The following GALNT17 variants were observed in gnomAD, a reference collection of about 807,000 sequenced individuals.
GALNT17 encodes UDP-GalNAc:polypeptide N-acetylgalactosaminyltransferase-like 3.
GALNT17 carries 29 observed loss-of-function variants against 63.7 expected under a neutral mutation model. The observed-to-expected ratio is 0.46, with a 90% CI of 0.34 to 0.62. The LOEUF (loss-of-function observed/expected upper bound fraction) is 0.62. GALNT17 is among the 20% of genes least tolerant of loss of function. GALNT17 has a pLI of 0.01. For synonymous variants in GALNT17, 305 were observed against 318.3 expected (o/e 0.96, Z 0.45); for missense variants, 603 against 799.6 (o/e 0.75, Z 2.97).
chr7:71,586,520 G>A (rs1178918191), intron 6 of GALNT17, among the ~76,000 whole-genome samples: 2 of 152,138 alleles, frequency 1.3e-5, no homozygotes, highest in Non-Finnish European at 2.9e-5. Flanking sequence ...TTTCGCTTGG[G>A]TAGATACCTA....
At chr7:71,313,669 C>A (rs953592946) in intron 1 of GALNT17, among the ~76,000 whole-genome samples, 2 of 152,166 alleles carry the variant, frequency 1.3e-5, no homozygotes, top group African/African-American at 4.8e-5. Context: ...AGTAAAAGCT[C>A]ATTAGGGAAG....
intron 1 of GALNT17, among the ~76,000 whole-genome samples, chr7:71,197,333 G>A (rs1355169035): frequency 6.6e-5 from 10 of 150,492 alleles, no homozygotes; most frequent in Non-Finnish European, 1.2e-4. Context: ...CTGAGTAGCT[G>A]GGACTACAGG....
intron 5 of GALNT17, among the ~76,000 whole-genome samples, chr7:71,498,268 G>A: frequency 6.6e-6 from 1 of 152,096 alleles, no homozygotes; most frequent in Non-Finnish European, 1.5e-5. Context: ...TTGAGATCAG[G>A]AGTTAGAGAC....
intron 5 of GALNT17, among the ~76,000 whole-genome samples, chr7:71,444,826 G>A (rs1425426505): frequency 6.6e-6 from 1 of 152,070 alleles, no homozygotes; most frequent in Non-Finnish European, 1.5e-5. Context: ...CTGTCTCAAG[G>A]AAAACAAACA....
intron 1 of GALNT17, among the ~76,000 whole-genome samples, chr7:71,221,865 G>A (rs913471701): frequency 1.3e-5 from 2 of 150,998 alleles, no homozygotes; most frequent in African/African-American, 4.9e-5. Flanking sequence ...TCATAAATTA[G>A]CATTAGTACA....
chr7:71,222,515 C>T (rs1585892197), intron 1 of GALNT17, among the ~76,000 whole-genome samples: 1 of 151,822 alleles, frequency 6.6e-6, no homozygotes, highest in East Asian at 2.0e-4. Context: ...TGGTCTTGAA[C>T]TCCTGATCTC....
chr7:71,426,285 C>G (rs889918004), intron 5 of GALNT17, among the ~76,000 whole-genome samples: 25 of 152,118 alleles, frequency 1.6e-4, no homozygotes, highest in Admixed American at 1.6e-3. Context: ...TAGAGATTCC[C>G]CTCATGTTGT....
chr7:71,707,529 G>A (rs1287496550), intron 9 of GALNT17, among the ~76,000 whole-genome samples: 1 of 152,178 alleles, frequency 6.6e-6, no homozygotes, highest in Non-Finnish European at 1.5e-5. Context: ...CCAAAACGTA[G>A]TGGCTTAAAA....
chr7:71,140,176 G>C (rs1411090971), intron 1 of GALNT17, among the ~76,000 whole-genome samples: 1 of 151,686 alleles, frequency 6.6e-6, no homozygotes, highest in Non-Finnish European at 1.5e-5. Flanking sequence ...GAGGGCACAT[G>C]TGCATATTAA....
intron 3 of GALNT17, among the ~76,000 whole-genome samples, chr7:71,415,487 A>G (rs1654616192): frequency 6.6e-6 from 1 of 152,142 alleles, no homozygotes; most frequent in African/African-American, 2.4e-5. Context: ...TTGCATCCCA[A>G]GGCACGTACT....
At chr7:71,346,064 G>T (rs1792090585) in intron 2 of GALNT17, among the ~76,000 whole-genome samples, 1 of 149,854 alleles carries the variant, frequency 6.7e-6, no homozygotes, top group South Asian at 2.1e-4. Context: ...ATGGTGGCTT[G>T]TGCCTGTTGT....
chr7:71,646,851 A>G (rs149556308), intron 6 of GALNT17, among the ~76,000 whole-genome samples: 9,928 of 146,580 alleles, frequency 0.068, 1,092 homozygotes, highest in African/African-American at 0.23. Context: ...GGTTCATGCC[A>G]TTCTCCTGCC....
intron 1 of GALNT17, among the ~76,000 whole-genome samples, chr7:71,167,484 C>T (rs1223919880): frequency 6.6e-6 from 1 of 151,754 alleles, no homozygotes. Flanking sequence ...TTTATGTATT[C>T]TAGGAGGAAG....
At chr7:71,486,739 T>C (rs1787916624) in intron 5 of GALNT17, among the ~76,000 whole-genome samples, 1 of 151,688 alleles carries the variant, frequency 6.6e-6, no homozygotes, top group Non-Finnish European at 1.5e-5. Context: ...GATATGTGCC[T>C]GTAAGTCCAC....
At chr7:71,163,436 G>T (rs184964241) in intron 1 of GALNT17, among the ~76,000 whole-genome samples, 6 of 152,284 alleles carry the variant, frequency 3.9e-5, no homozygotes, top group Admixed American at 3.9e-4. Context: ...AAATGTTCTT[G>T]GTGACTGATT....
At chr7:71,276,595 C>T (rs1790686096) in intron 1 of GALNT17, among the ~76,000 whole-genome samples, 1 of 152,174 alleles carries the variant, frequency 6.6e-6, no homozygotes, top group South Asian at 2.1e-4. Context: ...TGTCCTCTTG[C>T]CTACCACCAT....
chr7:71,693,323 G>T (rs1272943470), intron 9 of GALNT17, among the ~76,000 whole-genome samples: 5 of 107,014 alleles, frequency 4.7e-5, no homozygotes, highest in South Asian at 4.4e-4. Context: ...TATATATATG[G>T]AGACAAGACC....
intron 6 of GALNT17, among the ~76,000 whole-genome samples, chr7:71,611,235 C>T (rs1790120324): frequency 1.3e-5 from 2 of 152,040 alleles, no homozygotes; most frequent in Admixed American, 1.3e-4. Context: ...TCCTGTTGTT[C>T]CCTCATGAGA....
At chr7:71,152,251 C>T (rs1025354950) in intron 1 of GALNT17, among the ~76,000 whole-genome samples, 7 of 151,852 alleles carry the variant, frequency 4.6e-5, no homozygotes, top group South Asian at 2.1e-4. Context: ...GGTGAACACT[C>T]GGGAAGATAA....
Sources: gnomAD v4.1 joint callset for allele counts (sites outside exome capture counted in the v4.1 genomes callset) on GRCh38, gnomAD v4.1.1 for gene constraint, MANE v1.5 for transcripts, NCBI Gene and HGNC (gene_info 2026-07-23, HGNC 2026-07-21) for gene names.